MBIP: variants seen among roughly 807,000 people sequenced by gnomAD.
MBIP encodes the protein MAP3K12 binding inhibitory protein 1.
In MBIP, 32 loss-of-function variants were observed where a neutral mutation model predicts 45.7. The ratio of observed to expected loss-of-function variants is 0.70; its 90% confidence interval spans 0.53 to 0.94. The LOEUF (loss-of-function observed/expected upper bound fraction) is 0.94, where lower values mean the gene tolerates loss of function less well. MBIP is among the 40% of genes least tolerant of loss of function. The probability of loss-of-function intolerance (pLI) is 0.00; values close to 1 mark genes in which losing one functional copy is unlikely to be tolerated. For synonymous variants in MBIP, 145 were observed against 141.0 expected, an observed-to-expected ratio of 1.03 and a Z score of -0.20; for missense variants, 381 against 405.5, an observed-to-expected ratio of 0.94 and a Z score of 0.52.
chr14:36,314,957 C>A, intron 2 of MBIP, 42 bp from the exon 3 acceptor site: 2 of 1,180,796 alleles, frequency 1.7e-6, no homozygotes, highest in Non-Finnish European at 2.5e-6. Flanking sequence ...TCAATCTGAC[C>A]AAAATTAATT....
At chr14:36,317,661 C>T (rs939588462) in intron 1 of MBIP, among the ~76,000 whole-genome samples, 1 of 151,936 alleles carries the variant, frequency 6.6e-6, no homozygotes, top group Admixed American at 6.6e-5. Context: ...ACAATGAGAG[C>T]GCCCATCTGC....
chr14:36,319,136 G>T lies in MBIP; in HGVS notation c.129+1324C>A, dbSNP rs1376605958. ...ATTCAGTATGCAAAATATTTCAAAA[G>T]AAATGTTTAAATCATTGCTCAGTAT... On this transcript the variant is annotated intron_variant, in intron 1 of 8. Transcript: ENST00000416007. Among the ~76,000 whole-genome samples the T allele has an allele frequency of 2.0e-5, 3 of 152,038 alleles. No homozygotes were observed. The East Asian group carries it at 5.8e-4, about 29-fold the overall frequency.
chr14:36,320,006 AAC>A (rs1217358258), intron 1 of MBIP: 1 of 167,638 alleles, frequency 6.0e-6, no homozygotes, highest in Non-Finnish European at 1.3e-5. Flanking sequence ...AAAACCAAGT[AAC>A]TCATAAGAAC....
At chr14:36,317,682 A>G (rs1218733927) in intron 1 of MBIP, among the ~76,000 whole-genome samples, 1 of 152,118 alleles carries the variant, frequency 6.6e-6, no homozygotes, top group Non-Finnish European at 1.5e-5. Flanking sequence ...AGTCTTTTGA[A>G]TGAATAAAAG....
At chr14:36,312,046 A>T in intron 4 of MBIP, 22 bp from the exon 5 acceptor site, 1 of 1,355,430 alleles carries the variant, frequency 7.4e-7, no homozygotes, top group Non-Finnish European at 1.0e-6. Context: ...TTAGATAAAT[A>T]TAAGTTTAAA....
In MBIP at chr14:36,299,460, T is replaced by TA. The variant is rs34724648; in HGVS notation, c.928-271dup. ...CCTTTTATACTTAGAAAGAATAAGTTAAAAAAAAAAAAAAAGCCTGATTAT... is the reference window on the plus strand; with the variant it reads ...CCTTTTATACTTAGAAAGAATAAGTTAAAAAAAAAAAAAAAAGCCTGATTAT... On this transcript the variant is annotated intron_variant, in intron 8 of 8. Coordinates refer to ENST00000416007, the MANE Select transcript of MBIP (RefSeq NM_016586.3). 5.8e-3 allele frequency among the ~76,000 whole-genome samples: 838 copies of TA among 143,250 alleles called. 11 individuals carry two copies. The highest frequency in any genetic ancestry group is 0.02 in the African/African-American group (778 of 39,018). The allele number at this position is 143,250 out of a possible 152,430, so 94.0% of individuals were successfully genotyped here.
At chr14:36,315,730 CTAT>C (rs966740534) in intron 2 of MBIP, among the ~76,000 whole-genome samples, 5 of 151,952 alleles carry the variant, frequency 3.3e-5, no homozygotes, top group Non-Finnish European at 7.4e-5. Context: ...ACAGGGTTAA[CTAT>C]TACTTTTAAC....
intron 1 of MBIP, among the ~76,000 whole-genome samples, chr14:36,318,947 C>T (rs1300022159): frequency 6.6e-6 from 1 of 151,954 alleles, no homozygotes; most frequent in Non-Finnish European, 1.5e-5. Context: ...ATTGATGAAA[C>T]AATCATATTT....
intron 6 of MBIP, 88 bp downstream of exon 6, chr14:36,311,485 T>G: frequency 8.0e-7 from 1 of 1,255,794 alleles, no homozygotes; most frequent in South Asian, 1.4e-5. Context: ...TGTTAGGAGC[T>G]AAATGAAAAT....
intron 4 of MBIP, chr14:36,313,188 T>A (rs900369470): frequency 6.6e-6 from 1 of 151,518 alleles, no homozygotes; most frequent in Non-Finnish European, 1.5e-5. Flanking sequence ...TAAAGGGCCA[T>A]CCTTTCTCCA....
At chr14:36,306,689 A>G (rs1203795028) in intron 7 of MBIP, among the ~76,000 whole-genome samples, 1 of 152,222 alleles carries the variant, frequency 6.6e-6, no homozygotes, top group Non-Finnish European at 1.5e-5. Flanking sequence ...TCTATCGTTA[A>G]TAAGAATTAT....
chr14:36,299,301 G>C lies in MBIP; in HGVS notation c.928-111C>G. 4.2e-6 allele frequency: 3 copies of C among 715,998 alleles called. No individual in the cohort carries two copies. The South Asian group carries it at 5.8e-5, about 14-fold the overall frequency. 44.4% of individuals were successfully genotyped at this position (715,998 alleles called of 1,614,324 possible). Reference sequence around the variant, plus strand: ...AAAATATTCAAAAGCATGATCAAATGGTTTTTTTCCCTCATGAGAATAATC... The same window carrying C: ...AAAATATTCAAAAGCATGATCAAATCGTTTTTTTCCCTCATGAGAATAATC... On this transcript the variant is annotated intron_variant, in intron 8 of 8. Coordinates refer to ENST00000416007, the MANE Select transcript of MBIP (RefSeq NM_016586.3).
intron 1 of MBIP, among the ~76,000 whole-genome samples, chr14:36,317,356 A>T (rs1344812744): frequency 1.3e-5 from 2 of 152,206 alleles, no homozygotes; most frequent in Admixed American, 6.5e-5. Flanking sequence ...AACTAATTTA[A>T]AAGTCAAGAT....
rs1458977935 is a variant in MBIP, at chr14:36,314,875, T to C, written c.290A>G (p.Asn97Ser). 5.2e-5 allele frequency: 84 copies of C among 1,613,284 alleles called. No homozygotes were observed. The highest frequency in any genetic ancestry group is 6.8e-5 in the Non-Finnish European group (80 of 1,179,574). Residue 97 changes from asparagine (N) to serine (S), a missense_variant, in exon 3 of 9, where the codon AAT becomes AGT. By Grantham distance (46) the Asn-to-Ser change is conservative. Coordinates refer to ENST00000416007, the MANE Select transcript of MBIP (RefSeq NM_016586.3). ...TCCTATCTCTTCAACAGCAGTTGTA[T>C]TCTCCTCTTTAATCGGAGACTGAAG... ...AKLQSPIKEENTTAVEEIGRT... is the reference protein window; with the variant it reads ...AKLQSPIKEESTTAVEEIGRT...
Position 36,316,753 on chromosome 14 carries a change from G to A in MBIP, c.189C>T (p.Leu63=). 6.2e-7 allele frequency: 1 copy of A among 1,613,102 alleles called. No individual in the cohort carries two copies. Among genetic ancestry groups the A allele is most frequent in the East Asian group, 2.2e-5 (1 of 44,828 alleles). Residue 63 remains leucine (L), a synonymous_variant, in exon 2 of 9, where the codon CTC becomes CTT. Transcript: ENST00000416007. ...AGAGCAATGCAGGCTGGAATGCCGA[G>A]AGGCTCTGGAGCTTGTTCCAATCGA... is the stretch of plus-strand genomic sequence containing the variant. ...ITIDWNKLQS[L]SAFQPALLFS...
intron 6 of MBIP, among the ~76,000 whole-genome samples, chr14:36,308,419 A>G (rs1880009451): frequency 6.6e-6 from 1 of 152,146 alleles, no homozygotes; most frequent in Admixed American, 6.5e-5. Flanking sequence ...TATGCTTCCT[A>G]TATTCTAGGA....
At chr14:36,307,381 T>C (rs933552159) in intron 7 of MBIP, among the ~76,000 whole-genome samples, 1 of 152,118 alleles carries the variant, frequency 6.6e-6, no homozygotes, top group Non-Finnish European at 1.5e-5. Flanking sequence ...TTTGATATTA[T>C]TTTAGTTCTA....
In MBIP at chr14:36,300,800, T is replaced by A. The variant is rs759927444; in HGVS notation, c.912A>T (p.Lys304Asn). Reference sequence around the variant, plus strand: ...AGTAACTTACTTGAGGTGGTTGAACTTTTCTTCTTTTTCCAGAAAAGCTCT... The same window carrying A: ...AGTAACTTACTTGAGGTGGTTGAACATTTCTTCTTTTTCCAGAAAAGCTCT... ...QSVSFSGKRR[K>N]VQPPQQNYSL... The change falls in exon 8 of 9, where the codon AAA becomes AAT. Residue 304 changes from lysine to asparagine, a missense_variant. Physicochemically the swap from Lys to Asn is moderately conservative, Grantham distance 94. Transcript: ENST00000416007. 9 of 1,553,586 alleles carry A rather than the reference T, an allele frequency of 5.8e-6. No homozygotes were observed. The Admixed American group carries it at 1.5e-4, about 26-fold the overall frequency.
chr14:36,316,332 T>A (rs568998220), intron 2 of MBIP, among the ~76,000 whole-genome samples: 1 of 152,118 alleles, frequency 6.6e-6, no homozygotes, highest in Non-Finnish European at 1.5e-5. Context: ...AAGCACTCCA[T>A]GAGCCTCCAA....
Sources: allele counts gnomAD v4.1 joint callset (sites outside exome capture counted in the v4.1 genomes callset), GRCh38; gene constraint gnomAD v4.1.1; transcripts MANE v1.5; gene names NCBI Gene and HGNC (gene_info 2026-07-23, HGNC 2026-07-21).